The following ANO3 variants were observed in gnomAD, a reference collection of about 807,000 sequenced individuals.
ANO3 encodes anoctamin-3.
ANO3 carries 99 observed loss-of-function variants against 144.8 expected under a neutral mutation model. The observed-to-expected ratio is 0.68, with a 90% CI of 0.58 to 0.81. ANO3 has a LOEUF of 0.81. ANO3 is among the 30% of genes least tolerant of loss of function. ANO3 has a pLI of 0.00. For missense variants in ANO3, 905 were observed against 1,202.2 expected, an observed-to-expected ratio of 0.75 and a Z score of 3.66; for synonymous variants, 414 against 392.6, an observed-to-expected ratio of 1.05 and a Z score of -0.64.
rs749093704 is a variant in ANO3 at position 26,414,757 on chromosome 11, TTA to T, written c.47-27160_47-27159del. On this transcript the variant is annotated intron_variant, in intron 1 of 26. Transcript: ENST00000256737. ...ATGTATACAGGAACTTACAGTAAAG[TTA>T]AAAAAAAAAAAAAAAAGAAAGAAAG... is the stretch of plus-strand genomic sequence containing the variant. 2.3e-3 allele frequency among the ~76,000 whole-genome samples: 180 copies of T among 79,504 alleles called. 3 individuals are homozygous for T. Among genetic ancestry groups the T allele is most frequent in the Non-Finnish European group, 2.9e-3 (97 of 33,336 alleles). The allele number at this position is 79,504 out of a possible 152,430, so 52.2% of individuals were successfully genotyped here.
At chr11:26,419,876 G>GTCA (rs1857701794) in intron 1 of ANO3, among the ~76,000 whole-genome samples, 1 of 151,998 alleles carries the variant, frequency 6.6e-6, no homozygotes, top group Non-Finnish European at 1.5e-5. Context: ...AACATTCAAA[G>GTCA]CAAAAAGGTT....
chr11:26,466,199 G>A (rs1477427595), intron 4 of ANO3, among the ~76,000 whole-genome samples: 1 of 151,888 alleles, frequency 6.6e-6, no homozygotes, highest in East Asian at 1.9e-4. Flanking sequence ...TAGGAATTCA[G>A]ACATGCATAT....
intron 17 of ANO3, among the ~76,000 whole-genome samples, chr11:26,624,216 C>T (rs746532264): frequency 7.9e-5 from 12 of 152,206 alleles, no homozygotes; most frequent in Admixed American, 2.6e-4. Context: ...CTCGTTATTA[C>T]AGATTACAAG....
chr11:26,210,252 A>G (rs1286001857), intron 1 of ANO3, among the ~76,000 whole-genome samples: 1 of 152,080 alleles, frequency 6.6e-6, no homozygotes, highest in Non-Finnish European at 1.5e-5. Context: ...AATCCTTCCC[A>G]TTGCTTGGTT....
At chr11:26,362,834 T>G (rs1308387945) in intron 1 of ANO3, among the ~76,000 whole-genome samples, 1 of 152,218 alleles carries the variant, frequency 6.6e-6, no homozygotes, top group African/African-American at 2.4e-5. Flanking sequence ...TCTTTATAAT[T>G]TTATTGTCAA....
intron 1 of ANO3, chr11:26,208,087 G>A (rs924216700): frequency 1.1e-4 from 16 of 152,178 alleles, no homozygotes; most frequent in Admixed American, 5.9e-4. Context: ...GAAGAAGTGA[G>A]AAGTCTTTCT....
chr11:26,566,929 A>G (rs568597761), intron 14 of ANO3: 1 of 859,374 alleles, frequency 1.2e-6, no homozygotes, highest in African/African-American at 1.8e-5. Context: ...CACTCTAAAC[A>G]AGATCTAGCC....
intron 1 of ANO3, among the ~76,000 whole-genome samples, chr11:26,214,929 G>A (rs1226820047): frequency 6.6e-6 from 1 of 151,838 alleles, no homozygotes; most frequent in East Asian, 1.9e-4. Context: ...CAAGTATTTT[G>A]TAGAATGTCT....
intron 17 of ANO3, among the ~76,000 whole-genome samples, chr11:26,613,537 G>A (rs1364936507): frequency 1.3e-5 from 2 of 152,000 alleles, no homozygotes; most frequent in Non-Finnish European, 2.9e-5. Context: ...TGTTTCTTTG[G>A]AGGTATCCTA....
intron 4 of ANO3, among the ~76,000 whole-genome samples, chr11:26,489,154 G>A (rs1860597862): frequency 6.6e-6 from 1 of 152,174 alleles, no homozygotes; most frequent in Non-Finnish European, 1.5e-5. Context: ...CAGGGACCCT[G>A]TGCTGTGTGC....
upstream of ANO3, among the ~76,000 whole-genome samples, chr11:26,305,194 T>C (rs1407417874): frequency 5.3e-5 from 8 of 151,928 alleles, no homozygotes; most frequent in Non-Finnish European, 1.5e-5. Flanking sequence ...CATAAACAAC[T>C]TTGGTTCTAA....
chr11:26,301,704 A>G (rs12225787), intron 1 of ANO3, among the ~76,000 whole-genome samples: 9,411 of 152,272 alleles, frequency 0.062, 551 homozygotes, highest in African/African-American at 0.15. Context: ...AAAGATTCTT[A>G]CATACCTACA....
intron 21 of ANO3, among the ~76,000 whole-genome samples, chr11:26,641,414 A>G (rs1410224841): frequency 6.6e-6 from 1 of 152,204 alleles, no homozygotes; most frequent in African/African-American, 2.4e-5. Flanking sequence ...TTTATGTGAA[A>G]CATGATTTTT....
intron 1 of ANO3, among the ~76,000 whole-genome samples, chr11:26,269,739 G>A (rs1644675088): frequency 6.6e-6 from 1 of 152,144 alleles, no homozygotes; most frequent in African/African-American, 2.4e-5. Flanking sequence ...CAGATGACTG[G>A]ATTCACATTC....
chr11:26,479,003 A>C (rs1469358056), intron 4 of ANO3, among the ~76,000 whole-genome samples: 1 of 152,182 alleles, frequency 6.6e-6, no homozygotes, highest in Admixed American at 6.6e-5. Context: ...TTTTGTCTAA[A>C]AGTTTTTCAA....
upstream of ANO3, among the ~76,000 whole-genome samples, chr11:26,327,683 T>C (rs1417914471): frequency 6.6e-6 from 1 of 152,186 alleles, no homozygotes; most frequent in African/African-American, 2.4e-5. Flanking sequence ...ATAAATTAAA[T>C]TGTCTATTTT....
At chr11:26,579,259 A>T (rs916271813) in intron 14 of ANO3, among the ~76,000 whole-genome samples, 2 of 152,222 alleles carry the variant, frequency 1.3e-5, no homozygotes, top group Non-Finnish European at 2.9e-5. Context: ...AGAAAAAGTT[A>T]TTATAGCTAA....
intron 4 of ANO3, chr11:26,474,097 C>T: frequency 2.0e-6 from 2 of 984,956 alleles, no homozygotes; most frequent in South Asian, 4.7e-5. Context: ...TGAAGGATTC[C>T]AAATGCAGCT....
chr11:26,405,536 T>C (rs1435549534), intron 1 of ANO3, among the ~76,000 whole-genome samples: 1 of 151,878 alleles, frequency 6.6e-6, no homozygotes, highest in South Asian at 2.1e-4. Context: ...TTATTCCGTG[T>C]AGGCTAACCT....
Sources: gnomAD v4.1 joint callset for allele counts (sites outside exome capture counted in the v4.1 genomes callset) on GRCh38, gnomAD v4.1.1 for gene constraint, MANE v1.5 for transcripts, NCBI Gene and HGNC (gene_info 2026-07-23, HGNC 2026-07-21) for gene names.